Variants in GNAI2 observed in about 807,000 individuals in gnomAD.
GNAI2 encodes the protein G protein subunit alpha i2.
Under a neutral mutation model 36.8 loss-of-function variants are expected in GNAI2, and 4 were observed. The ratio of observed to expected loss-of-function variants is 0.11; its 90% confidence interval spans 0.05 to 0.25. The LOEUF is 0.25. GNAI2 is among the 10% of genes least tolerant of loss of function. The pLI is 1.00. For synonymous variants in GNAI2, 194 were observed against 194.1 expected, an observed-to-expected ratio of 1.00 and a Z score of 0.01; for missense variants, 230 against 481.3, an observed-to-expected ratio of 0.48 and a Z score of 4.89.
Position 50,253,315 on chromosome 3 carries a change from A to C in GNAI2, c.464+131A>C. The C allele has an allele frequency of 1.3e-4, 53 of 399,102 alleles. No individual in the cohort carries two copies. The highest frequency in any genetic ancestry group is 1.4e-4 in the East Asian group (3 of 20,892). 24.7% of individuals were successfully genotyped at this position (399,102 alleles called of 1,614,324 possible). ...TTATGAAACCGATGACTGTTAACCA[A>C]GGCCTTCCTGTTTTTTGGTTTGGGG... On this transcript the variant is annotated intron_variant, in intron 4 of 8. Transcript: ENST00000313601. The surrounding 1 kb of genome is among the most constrained non-coding windows in gnomAD (Gnocchi z 4.2).
At position 50,241,465 on chromosome 3, in the gene GNAI2, G is replaced by T. The variant is rs587738930; in HGVS notation, c.118+5012G>T. Among the ~76,000 whole-genome samples, 337 of 152,308 alleles carry T rather than the reference G, an allele frequency of 2.2e-3. No individual in the cohort carries two copies. Among genetic ancestry groups the T allele is most frequent in the African/African-American group, 7.7e-3 (319 of 41,574 alleles). On this transcript the variant is annotated intron_variant, in intron 1 of 8. Transcript: ENST00000313601. The surrounding 1 kb of genome is among the most constrained non-coding windows in gnomAD (Gnocchi z 5.0). The stretch of plus-strand genomic sequence containing the variant: ...CCCAGTTCTGCTAGGCTCAGCCCCT[G>T]CCTCTCACGCCAGTGTCAGTGCAGC...
rs1700323291 is a variant in GNAI2 at position 50,242,633 on chromosome 3, T to C, written c.118+6180T>C. ...AACCCCACCCTCACCCTGATGTTAC[T>C]TCTTGGGGCTGTGGCTGCTCTTGGT... On this transcript the variant is annotated intron_variant, in intron 1 of 8. Transcript: ENST00000313601. This position sits in a 1 kb window ranked among gnomAD's most constrained non-coding sequence, Gnocchi z 4.8. 6.6e-6 allele frequency among the ~76,000 whole-genome samples: 1 copy of C among 151,778 alleles called. No homozygotes were observed. Among genetic ancestry groups the C allele is most frequent in the Admixed American group, 6.6e-5 (1 of 15,244 alleles).
chr3:50,258,087 C>T (rs1700753585), intron 8 of GNAI2: 1 of 175,498 alleles, frequency 5.7e-6, no homozygotes, highest in South Asian at 1.7e-4. Flanking sequence ...CCCACTACCA[C>T]CAGCTCCATG....
At position 50,252,877 on chromosome 3, in the gene GNAI2, C is replaced by T. The variant is rs1700598073; in HGVS notation, c.304-147C>T. ...AGACTCCGTCACAGAAAAAAGTAAACAACAACAACAAAAAGGTTTTAGGGC... is the reference window on the plus strand; with the variant it reads ...AGACTCCGTCACAGAAAAAAGTAAATAACAACAACAAAAAGGTTTTAGGGC... On this transcript the variant is annotated intron_variant, in intron 3 of 8. Coordinates refer to ENST00000313601, the MANE Select transcript of GNAI2 (RefSeq NM_002070.4). The surrounding 1 kb of genome is among the most constrained non-coding windows in gnomAD (Gnocchi z 4.1). 1 of 673,608 alleles carries T rather than the reference C, an allele frequency of 1.5e-6. No homozygotes were observed. The allele number at this position is 673,608 out of a possible 1,614,324, so 41.7% of individuals were successfully genotyped here. A position where few individuals can be genotyped will look rare whatever the true frequency, so the allele number is the denominator to read the frequency against.
upstream of GNAI2, among the ~76,000 whole-genome samples, chr3:50,232,068 C>T (rs587714072): frequency 5.9e-5 from 9 of 151,342 alleles, 1 homozygote; most frequent in South Asian, 1.9e-3. Context: ...CGGTGGCTCA[C>T]ACCTGCAATC....
chr3:50,240,499 A>G (rs1700275605), intron 1 of GNAI2, among the ~76,000 whole-genome samples: 1 of 152,228 alleles, frequency 6.6e-6, no homozygotes, highest in Non-Finnish European at 1.5e-5. Context: ...GCACTGGCTG[A>G]GAGACTCAGC....
intron 1 of GNAI2, among the ~76,000 whole-genome samples, chr3:50,237,186 T>TTC: frequency 6.6e-6 from 1 of 152,200 alleles, no homozygotes; most frequent in Non-Finnish European, 1.5e-5. Flanking sequence ...TGGGCTGGGC[T>TTC]AGGAGGCGGG....
chr3:50,232,348 A>G (rs1228253576), upstream of GNAI2, among the ~76,000 whole-genome samples: 1 of 151,996 alleles, frequency 6.6e-6, no homozygotes, highest in Non-Finnish European at 1.5e-5. Context: ...AGAAATCACT[A>G]CTATAACACC....
rs1700673586 is a variant in GNAI2 at position 50,255,569 on chromosome 3, C to T, written c.465-623C>T. Among the ~76,000 whole-genome samples the T allele has an allele frequency of 6.6e-6, 1 of 152,196 alleles. No homozygotes were observed. Among genetic ancestry groups the T allele is most frequent in the African/African-American group, 2.4e-5 (1 of 41,458 alleles). Reference sequence around the variant, plus strand: ...CTCCTCCCACCCTCTTTGCCTATAGCTCCAACATCCTGGATCCTGTCCGAG... The same window carrying T: ...CTCCTCCCACCCTCTTTGCCTATAGTTCCAACATCCTGGATCCTGTCCGAG... On this transcript the variant is annotated intron_variant, in intron 4 of 8. Coordinates refer to ENST00000313601, the MANE Select transcript of GNAI2 (RefSeq NM_002070.4). This position sits in a 1 kb window ranked among gnomAD's most constrained non-coding sequence, Gnocchi z 4.0.
chr3:50,238,412 C>G lies in GNAI2; in HGVS notation c.118+1959C>G, dbSNP rs1559765832. ...CTTGGAGCCCAGCTCACCTTTTGGG[C>G]TAAGGCAAGTGAGACCTGGTAACTC... On this transcript the variant is annotated intron_variant, in intron 1 of 8. Transcript: ENST00000313601. The surrounding 1 kb of genome is among the most constrained non-coding windows in gnomAD (Gnocchi z 5.0). 1 of 152,328 alleles carries G rather than the reference C, an allele frequency of 6.6e-6. No homozygotes were observed. The highest frequency in any genetic ancestry group is 1.5e-5 in the Non-Finnish European group (1 of 68,120). 9.4% of individuals were successfully genotyped at this position (152,328 alleles called of 1,614,324 possible).
Position 50,236,292 on chromosome 3 carries a change from G to A in GNAI2, c.-44G>A, listed in dbSNP as rs1700165857. 6.9e-6 allele frequency: 9 copies of A among 1,306,026 alleles called. No homozygotes were observed. The highest frequency in any genetic ancestry group is 2.4e-4 in the Middle Eastern group (1 of 4,210). 80.9% of individuals were successfully genotyped at this position (1,306,026 alleles called of 1,614,324 possible). On this transcript the variant is annotated 5_prime_UTR_variant, in exon 1 of 9. Coordinates refer to ENST00000313601, the MANE Select transcript of GNAI2 (RefSeq NM_002070.4). The surrounding 1 kb of genome is among the most constrained non-coding windows in gnomAD (Gnocchi z 4.0). The stretch of plus-strand genomic sequence containing the variant: ...TCGGGCGGGGCCGAGCCGGGCCGTG[G>A]GCCGTGTGGGGGCCGGGCGGCGGCC...
At chr3:50,232,006 G>A (rs2109172339), upstream of GNAI2, among the ~76,000 whole-genome samples, 1 of 151,426 alleles carries the variant, frequency 6.6e-6, no homozygotes, top group East Asian at 1.9e-4. Context: ...AGACCAGCCT[G>A]GACAACATGG....
At chr3:50,256,382 CA>C in intron 5 of GNAI2, 62 bp downstream of exon 5, 1 of 1,516,598 alleles carries the variant, frequency 6.6e-7, no homozygotes, top group South Asian at 1.1e-5. Flanking sequence ...GTAGCAGAGG[CA>C]GGGGCTGGTC....
At position 50,253,095 on chromosome 3, in the gene GNAI2, C is replaced by G; in HGVS notation, c.375C>G (p.Ser125=). The change falls in exon 4 of 9, where the codon TCC becomes TCG. Residue 125 remains serine, a synonymous_variant. Transcript: ENST00000313601. The surrounding 1 kb of genome is among the most constrained non-coding windows in gnomAD (Gnocchi z 4.2). ...AAGGCGTGCTCCCTGATGACCTGTC[C>G]GGCGTCATCCGGAGGCTCTGGGCTG... ...EEQGVLPDDL[S]GVIRRLWADH... 6.2e-7 allele frequency: 1 copy of G among 1,613,190 alleles called. No individual in the cohort carries two copies. Among genetic ancestry groups the G allele is most frequent in the Non-Finnish European group, 8.5e-7 (1 of 1,179,474 alleles).
upstream of GNAI2, among the ~76,000 whole-genome samples, chr3:50,228,103 C>G (rs1237575147): frequency 1.3e-5 from 2 of 152,248 alleles, no homozygotes; most frequent in Non-Finnish European, 2.9e-5. Context: ...TCCCCGCCCC[C>G]TCACCAGCTC....
Position 50,256,335 on chromosome 3 carries a change from G to T in GNAI2, c.593+15G>T, listed in dbSNP as rs1553703178. 2.5e-6 allele frequency: 4 copies of T among 1,613,150 alleles called. No homozygotes were observed. In the African/African-American group the frequency reaches 4.0e-5, roughly 16 times the overall value. ...CTACACTTCAAGTGAGCGAGCATGT[G>T]GACAGGTGGGAGGGGCAGGACCTGC... is the stretch of plus-strand genomic sequence containing the variant. On this transcript the variant is annotated intron_variant, in intron 5 of 8. Transcript: ENST00000313601.
Position 50,258,975 on chromosome 3 carries a change from C to A in GNAI2, c.*632C>A, listed in dbSNP as rs587683945. The A allele has an allele frequency of 5.2e-5, 23 of 446,384 alleles. No homozygotes were observed. In the East Asian group the frequency reaches 1.0e-3, roughly 20 times the overall value. 27.7% of individuals were successfully genotyped at this position (446,384 alleles called of 1,614,324 possible). On this transcript the variant is annotated 3_prime_UTR_variant, in exon 9 of 9. Transcript: ENST00000313601. Reference sequence around the variant, plus strand: ...AACTGTCAGATCCTGACCAGCAAGCCCCCCCCCAGCCCCCCTTCCAAGTGA... The same window carrying A: ...AACTGTCAGATCCTGACCAGCAAGCACCCCCCCAGCCCCCCTTCCAAGTGA...
chr3:50,251,285 T>A, intron 1 of GNAI2: 1 of 792,020 alleles, frequency 1.3e-6, no homozygotes, highest in Non-Finnish European at 1.5e-6. Flanking sequence ...AATGTCCTCA[T>A]CTGTAGAATG....
upstream of GNAI2, chr3:50,236,106 C>A: frequency 1.0e-6 from 1 of 967,904 alleles, no homozygotes; most frequent in Non-Finnish European, 1.3e-6. The surrounding 1 kb of genome is among the most constrained non-coding windows in gnomAD (Gnocchi z 4.0). Context: ...GCCCCGCCTG[C>A]AAGCCCGCCC....
Sources: gnomAD v4.1 joint callset for allele counts (sites outside exome capture counted in the v4.1 genomes callset) on GRCh38, gnomAD v4.1.1 for gene constraint, Gnocchi (gnomAD v3.1) non-coding constraint, MANE v1.5 for transcripts, NCBI Gene and HGNC (gene_info 2026-07-23, HGNC 2026-07-21) for gene names.